RNF180: variants seen among roughly 807,000 people sequenced by gnomAD.
The protein encoded by RNF180 is E3 ubiquitin-protein ligase RNF180.
Under a neutral mutation model 59.2 loss-of-function variants are expected in RNF180, and 38 were observed. The observed-to-expected ratio is 0.64, with a 90% CI of 0.50 to 0.84. RNF180 has a LOEUF of 0.84. RNF180 is among the 40% of genes least tolerant of loss of function. The probability of loss-of-function intolerance (pLI) is 0.00; values close to 1 mark genes in which losing one functional copy is unlikely to be tolerated. For synonymous variants in RNF180, 262 were observed against 240.3 expected, an observed-to-expected ratio of 1.09 and a Z score of -0.84; for missense variants, 705 against 700.9, an observed-to-expected ratio of 1.01 and a Z score of -0.07.
intron 5 of RNF180, among the ~76,000 whole-genome samples, chr5:64,315,384 A>G (rs1743983154): frequency 2.0e-5 from 3 of 152,184 alleles, no homozygotes; most frequent in Admixed American, 6.5e-5. Flanking sequence ...CTTGTCTGAC[A>G]CTTAAGTAAA....
At chr5:64,303,979 T>C (rs1210747131) in intron 5 of RNF180, among the ~76,000 whole-genome samples, 3 of 151,600 alleles carry the variant, frequency 2.0e-5, no homozygotes, top group Admixed American at 2.0e-4. Context: ...CAGTGTTCAA[T>C]TTACCTGTTT....
intron 5 of RNF180, among the ~76,000 whole-genome samples, chr5:64,255,591 A>G (rs913498884): frequency 2.4e-4 from 36 of 152,160 alleles, no homozygotes; most frequent in East Asian, 1.4e-3. Context: ...TCTTAATCCA[A>G]TCTATCATTG....
intron 1 of RNF180, among the ~76,000 whole-genome samples, chr5:64,168,023 G>A (rs1029033470): frequency 6.6e-6 from 1 of 151,188 alleles, no homozygotes. Flanking sequence ...TATATTTTTA[G>A]AGAGTGGTCA....
intron 5 of RNF180, among the ~76,000 whole-genome samples, chr5:64,292,007 G>T (rs1055745010): frequency 1.3e-5 from 2 of 151,932 alleles, no homozygotes; most frequent in Admixed American, 6.6e-5. Context: ...CTCTAAGCTG[G>T]TTTTTCTGGT....
intron 5 of RNF180, among the ~76,000 whole-genome samples, chr5:64,241,258 A>AT (rs1260953045): frequency 1.3e-5 from 2 of 152,148 alleles, no homozygotes; most frequent in African/African-American, 4.8e-5. Context: ...AATTCTAAAT[A>AT]TTTTACTCAT....
At chr5:64,200,024 T>C (rs965520130) in intron 1 of RNF180, among the ~76,000 whole-genome samples, 1 of 152,232 alleles carries the variant, frequency 6.6e-6, no homozygotes, top group Non-Finnish European at 1.5e-5. Context: ...AGGTAGGCAC[T>C]TCCAATTTTC....
intron 5 of RNF180, among the ~76,000 whole-genome samples, chr5:64,319,355 T>A (rs1744225791): frequency 6.6e-6 from 1 of 152,168 alleles, no homozygotes; most frequent in South Asian, 2.1e-4. Flanking sequence ...GGAAAATTGG[T>A]AAAATTTGAT....
intron 1 of RNF180, among the ~76,000 whole-genome samples, chr5:64,166,421 T>C (rs931546674): frequency 3.3e-5 from 5 of 152,184 alleles, no homozygotes; most frequent in Non-Finnish European, 5.9e-5. Context: ...GGTTCCACTT[T>C]CCTTTGTCTA....
intron 5 of RNF180, among the ~76,000 whole-genome samples, chr5:64,238,915 C>T (rs533368903): frequency 5.3e-5 from 8 of 152,138 alleles, no homozygotes; most frequent in African/African-American, 1.9e-4. Flanking sequence ...CCTAAGGAGA[C>T]CCTGAAGTTC....
rs572553279 is a variant in RNF180 at position 64,241,976 on chromosome 5, C to G, written c.1227+24580C>G. Reference sequence around the variant, plus strand: ...CTGACAGATCCTCTAAAACCACCCTCAAGCTTACATGGTTGACTTAGTCTC... The same window carrying G: ...CTGACAGATCCTCTAAAACCACCCTGAAGCTTACATGGTTGACTTAGTCTC... On this transcript the variant is annotated intron_variant, in intron 5 of 7. Transcript: ENST00000389100. 2.0e-5 allele frequency among the ~76,000 whole-genome samples: 3 copies of G among 152,306 alleles called. No individual in the cohort carries two copies. In the South Asian group the frequency reaches 6.2e-4, roughly 32 times the overall value.
At chr5:64,305,955 C>A (rs1175703639) in intron 5 of RNF180, among the ~76,000 whole-genome samples, 8 of 151,534 alleles carry the variant, frequency 5.3e-5, no homozygotes, top group Non-Finnish European at 1.2e-4. Context: ...TCAATTGCTT[C>A]CACTCACGTT....
chr5:64,261,473 A>AT (rs1402344156), intron 5 of RNF180, among the ~76,000 whole-genome samples: 1 of 152,130 alleles, frequency 6.6e-6, no homozygotes, highest in Non-Finnish European at 1.5e-5. Context: ...TTTCAAAAAA[A>AT]TTTTTTAAGT....
chr5:64,190,970 CT>C (rs1163676022), intron 1 of RNF180, among the ~76,000 whole-genome samples: 4 of 152,158 alleles, frequency 2.6e-5, no homozygotes, highest in Non-Finnish European at 4.4e-5. Context: ...TGAAGTATAA[CT>C]TTTTTTACAT....
intron 1 of RNF180, among the ~76,000 whole-genome samples, chr5:64,199,991 A>G (rs1333688423): frequency 6.6e-6 from 1 of 152,240 alleles, no homozygotes; most frequent in Non-Finnish European, 1.5e-5. Flanking sequence ...CTTTCAGGAT[A>G]AAGGAATTTT....
At chr5:64,276,325 T>TGTGA (rs1741714230) in intron 5 of RNF180, among the ~76,000 whole-genome samples, 1 of 128,728 alleles carries the variant, frequency 7.8e-6, no homozygotes, top group Non-Finnish European at 1.6e-5. Flanking sequence ...CATTGGTGTG[T>TGTGA]GTGTGTGTGT....
intron 5 of RNF180, among the ~76,000 whole-genome samples, chr5:64,239,525 A>G (rs1742668389): frequency 2.0e-5 from 3 of 152,158 alleles, no homozygotes; most frequent in Non-Finnish European, 2.9e-5. Flanking sequence ...GTCTATTTCA[A>G]AAGACAATTG....
intron 5 of RNF180, among the ~76,000 whole-genome samples, chr5:64,305,698 A>G (rs145268484): frequency 9.9e-4 from 150 of 151,690 alleles, no homozygotes; most frequent in African/African-American, 3.5e-3. Context: ...ATTAATTACT[A>G]CATGTTAATG....
At chr5:64,219,793 A>G (rs966838893) in intron 5 of RNF180, among the ~76,000 whole-genome samples, 1 of 152,038 alleles carries the variant, frequency 6.6e-6, no homozygotes, top group African/African-American at 2.4e-5. Context: ...TGCTAGGATT[A>G]CAGGCGTGAG....
At chr5:64,325,105 C>A in intron 5 of RNF180, 81 bp from the exon 6 acceptor site, 1 of 843,422 alleles carries the variant, frequency 1.2e-6, no homozygotes, top group Non-Finnish European at 1.9e-6. Context: ...TATTTTTGTT[C>A]ATTTTAACAA....
Sources: gnomAD v4.1 joint callset for allele counts (sites outside exome capture counted in the v4.1 genomes callset) on GRCh38, gnomAD v4.1.1 for gene constraint, MANE v1.5 for transcripts, NCBI Gene and HGNC (gene_info 2026-07-23, HGNC 2026-07-21) for gene names.